The following KANSL1 variants were observed in gnomAD, a reference collection of about 807,000 sequenced individuals.
The protein encoded by KANSL1 is KAT8 regulatory NSL complex subunit 1.
Under a neutral mutation model 103.6 loss-of-function variants are expected in KANSL1, and 22 were observed. That is an observed-to-expected ratio of 0.21 (90% confidence interval 0.15 to 0.30). The LOEUF (loss-of-function observed/expected upper bound fraction) is 0.30. Ranked by LOEUF, KANSL1 falls within the 10% of genes least tolerant of loss-of-function variation. The pLI, the probability that KANSL1 is intolerant of heterozygous loss-of-function variation, is 1.00. For synonymous variants in KANSL1, 600 were observed against 527.6 expected (o/e 1.14, Z -1.88); for missense variants, 1,337 against 1,399.8 (o/e 0.96, Z 0.72).
intron 7 of KANSL1, chr17:46,044,571 T>A (rs2077438111): frequency 2.0e-5 from 3 of 152,216 alleles, no homozygotes; most frequent in Non-Finnish European, 4.4e-5. Flanking sequence ...GTTAACAAGC[T>A]TTTCTCCAAG....
chr17:46,113,020 C>T (rs1169294773), intron 2 of KANSL1, among the ~76,000 whole-genome samples: 1 of 152,030 alleles, frequency 6.6e-6, no homozygotes, highest in Non-Finnish European at 1.5e-5. Context: ...CAGGCCCGGC[C>T]GGGACAGATA....
chr17:46,128,902 T>C (rs1376073754), intron 2 of KANSL1, among the ~76,000 whole-genome samples: 3 of 152,182 alleles, frequency 2.0e-5, no homozygotes, highest in Non-Finnish European at 2.9e-5. Flanking sequence ...CGACACACTA[T>C]AAATGACCAG....
intron 2 of KANSL1, among the ~76,000 whole-genome samples, chr17:46,131,850 T>G (rs945826485): frequency 3.3e-5 from 5 of 152,174 alleles, no homozygotes; most frequent in Non-Finnish European, 7.3e-5. Context: ...ATGAGTAGGC[T>G]AGGCACGGCG....
At chr17:46,070,935 T>C (rs1003895452) in intron 4 of KANSL1, among the ~76,000 whole-genome samples, 3 of 152,190 alleles carry the variant, frequency 2.0e-5, no homozygotes, top group Non-Finnish European at 2.9e-5. Flanking sequence ...AATGTTGCCA[T>C]TCTCTAACAA....
At chr17:46,154,317 C>T (rs1226192712) in intron 2 of KANSL1, among the ~76,000 whole-genome samples, 1 of 152,256 alleles carries the variant, frequency 6.6e-6, no homozygotes, top group Non-Finnish European at 1.5e-5. Context: ...ATTCCCCCCT[C>T]AGGGTTGCAC....
chr17:46,062,110 C>CAAAAAAAAAAAAAAAAAAAAA (rs1568403365), intron 6 of KANSL1, among the ~76,000 whole-genome samples: 3 of 22,260 alleles, frequency 1.3e-4, no homozygotes, highest in East Asian at 2.7e-3. Flanking sequence ...AAAAAAAAAA[C>CAAAAAAAAAAAAAAAAAAAAA]AAACAAACAA....
intron 2 of KANSL1, among the ~76,000 whole-genome samples, chr17:46,136,944 C>T (rs1417408773): frequency 6.6e-6 from 1 of 152,194 alleles, no homozygotes; most frequent in African/African-American, 2.4e-5. Flanking sequence ...GAACTGAATC[C>T]CACAAACAGC....
At chr17:46,117,913 C>CT (rs1347420308) in intron 2 of KANSL1, among the ~76,000 whole-genome samples, 2 of 152,204 alleles carry the variant, frequency 1.3e-5, no homozygotes, top group African/African-American at 4.8e-5. Flanking sequence ...CCAAGAATGT[C>CT]TTTTTTGTTT....
chr17:46,142,522 C>T (rs78445449), intron 2 of KANSL1, among the ~76,000 whole-genome samples: 17,186 of 150,118 alleles, frequency 0.11, no homozygotes, highest in Non-Finnish European at 0.17. Context: ...CTTGTGAGGA[C>T]CACTTGAGTC....
intron 2 of KANSL1, among the ~76,000 whole-genome samples, chr17:46,099,889 A>G (rs1424008748): frequency 6.6e-6 from 1 of 152,254 alleles, no homozygotes; most frequent in African/African-American, 2.4e-5. Context: ...AAAATTCATT[A>G]AAATGTTACA....
At position 46,031,124 on chromosome 17, in the gene KANSL1, A is replaced by G; in HGVS notation, c.*352T>C. The G allele has an allele frequency of 3.5e-6, 1 of 288,228 alleles. No homozygotes were observed. 17.9% of individuals were successfully genotyped at this position (288,228 alleles called of 1,614,324 possible). The stretch of plus-strand genomic sequence containing the variant: ...AGGCCATGCTAAACTGTAGCCCGCC[A>G]GGCTGTTCTGCCCTGCCCACAGGTG... On this transcript the variant is annotated 3_prime_UTR_variant, in exon 15 of 15. Coordinates refer to ENST00000432791, the MANE Select transcript of KANSL1 (RefSeq NM_015443.4).
At chr17:46,069,189 A>T (rs2078488532) in intron 4 of KANSL1, among the ~76,000 whole-genome samples, 1 of 152,028 alleles carries the variant, frequency 6.6e-6, no homozygotes, top group Non-Finnish European at 1.5e-5. Flanking sequence ...GCCTCCCAAA[A>T]TGCTGGGATT....
intron 7 of KANSL1, among the ~76,000 whole-genome samples, chr17:46,046,389 G>A (rs1342351220): frequency 2.0e-5 from 3 of 151,758 alleles, no homozygotes; most frequent in African/African-American, 7.3e-5. Flanking sequence ...CAAAAAATTA[G>A]CCAGGCATGG....
intron 1 of KANSL1, among the ~76,000 whole-genome samples, chr17:46,219,930 C>T (rs1377325828): frequency 1.3e-5 from 2 of 151,976 alleles, no homozygotes; most frequent in African/African-American, 2.4e-5. Flanking sequence ...GGTGAAACTC[C>T]GTCTCTACTA....
chr17:46,184,263 G>C (rs2147857114), intron 1 of KANSL1, among the ~76,000 whole-genome samples: 1 of 152,330 alleles, frequency 6.6e-6, no homozygotes. Context: ...GGTGCACAGA[G>C]GGTGAGGGTT....
At chr17:46,117,406 G>A (rs1298389613) in intron 2 of KANSL1, among the ~76,000 whole-genome samples, 1 of 152,222 alleles carries the variant, frequency 6.6e-6, no homozygotes, top group Non-Finnish European at 1.5e-5. Flanking sequence ...CAAGAGAGTA[G>A]GAATTCGTCT....
At chr17:46,061,622 C>T (rs1445076269) in intron 6 of KANSL1, among the ~76,000 whole-genome samples, 1 of 152,140 alleles carries the variant, frequency 6.6e-6, no homozygotes, top group Non-Finnish European at 1.5e-5. Flanking sequence ...CCATGTTCTC[C>T]ATGAGCCTTA....
In KANSL1 at chr17:46,077,357, A is replaced by C. The variant is rs1008890066; in HGVS notation, c.1533+5084T>G. Among the ~76,000 whole-genome samples, 5 of 150,992 alleles carry C rather than the reference A, an allele frequency of 3.3e-5. No homozygotes were observed. In the East Asian group the frequency reaches 9.8e-4, roughly 30 times the overall value. On this transcript the variant is annotated intron_variant, in intron 4 of 14. Transcript: ENST00000432791. Reference sequence around the variant, plus strand: ...CATGAGCCACTGTGCCCAGCTTACAATATTTTTAGGATATATTTTTTTCCT... The same window carrying C: ...CATGAGCCACTGTGCCCAGCTTACACTATTTTTAGGATATATTTTTTTCCT...
At chr17:46,058,741 ACACTCTCTCTCTCTCTCTCTCT>A (rs1410490769) in intron 6 of KANSL1, among the ~76,000 whole-genome samples, 927 of 73,544 alleles carry the variant, frequency 0.013, 6 homozygotes, top group Admixed American at 0.02. Flanking sequence ...ACACACACAC[ACACTCTCTCTCTCTCTCTCTCT>A]CTCTCTCTCT....
Sources: allele counts gnomAD v4.1 joint callset (sites outside exome capture counted in the v4.1 genomes callset), GRCh38; gene constraint gnomAD v4.1.1; transcripts MANE v1.5; gene names NCBI Gene and HGNC (gene_info 2026-07-23, HGNC 2026-07-21).